The following MED13L variants were observed in gnomAD, a reference collection of about 807,000 sequenced individuals.
The protein encoded by MED13L is mediator complex subunit 13L, also known as mediator of RNA polymerase II transcription subunit 13-like.
A neutral mutation model predicts 220.9 loss-of-function variants in MED13L; 7 were observed. The ratio of observed to expected loss-of-function variants is 0.03; its 90% CI spans 0.02 to 0.06. The LOEUF is 0.06. Ranked by LOEUF, MED13L falls within the 10% of genes least tolerant of loss-of-function variation. The probability of loss-of-function intolerance (pLI) is 1.00; values close to 1 mark genes in which losing one functional copy is unlikely to be tolerated. For missense variants in MED13L, 1,965 were observed against 2,760.5 expected (o/e 0.71, Z 6.46); for synonymous variants, 1,011 against 1,015.2 (o/e 1.00, Z 0.08).
intron 9 of MED13L, among the ~76,000 whole-genome samples, chr12:116,011,827 A>G (rs756321668): frequency 6.6e-6 from 1 of 152,244 alleles, no homozygotes; most frequent in Non-Finnish European, 1.5e-5. Context: ...TAAAGAATCA[A>G]TTCAAGGGGC....
intron 2 of MED13L, among the ~76,000 whole-genome samples, chr12:116,229,232 T>C (rs1244763291): frequency 2.6e-5 from 4 of 152,184 alleles, no homozygotes; most frequent in African/African-American, 4.8e-5. Context: ...ATCATAAAAA[T>C]TACTCACATT....
chr12:116,229,420 C>T (rs1869328198), intron 2 of MED13L, among the ~76,000 whole-genome samples: 1 of 152,126 alleles, frequency 6.6e-6, no homozygotes, highest in Non-Finnish European at 1.5e-5. Context: ...TACTTACCAA[C>T]AAACTGAAAA....
chr12:116,095,362 C>T (rs1046567704), intron 4 of MED13L, among the ~76,000 whole-genome samples: 2 of 152,140 alleles, frequency 1.3e-5, no homozygotes, highest in African/African-American at 4.8e-5. Flanking sequence ...GAAAATGCTT[C>T]AAAGAAGTTT....
intron 2 of MED13L, among the ~76,000 whole-genome samples, chr12:116,136,718 CA>C (rs1876588296): frequency 6.6e-6 from 1 of 152,116 alleles, no homozygotes. Context: ...GTATTTTTAT[CA>C]GCTATAGTTT....
At chr12:116,012,728 G>T in intron 9 of MED13L, 69 bp downstream of exon 9, 2 of 1,086,746 alleles carry the variant, frequency 1.8e-6, no homozygotes, top group Non-Finnish European at 2.9e-6. Flanking sequence ...GATCTGTGAG[G>T]CCAGGAGATG....
At chr12:115,971,160 C>T (rs938377709) in intron 26 of MED13L, among the ~76,000 whole-genome samples, 1 of 152,168 alleles carries the variant, frequency 6.6e-6, no homozygotes. Context: ...CATGTTATAA[C>T]ACTTAATGAA....
intron 29 of MED13L, among the ~76,000 whole-genome samples, chr12:115,965,106 T>A (rs1420636816): frequency 6.6e-6 from 1 of 152,258 alleles, no homozygotes; most frequent in African/African-American, 2.4e-5. Flanking sequence ...GTTTTTGGTT[T>A]AATTTCCATC....
intron 1 of MED13L, among the ~76,000 whole-genome samples, chr12:116,249,169 C>T (rs1035792116): frequency 1.1e-4 from 16 of 152,208 alleles, no homozygotes; most frequent in Non-Finnish European, 1.9e-4. Flanking sequence ...AGCTGGGAGG[C>T]AGTCAAGTTC....
At chr12:115,963,549 C>G (rs1875919420) in intron 29 of MED13L, 30 bp from the exon 30 acceptor site, 37 of 1,515,762 alleles carry the variant, frequency 2.4e-5, no homozygotes, top group Non-Finnish European at 3.2e-5. Flanking sequence ...AGTTACCTCT[C>G]TGGTCTAGAC....
chr12:116,060,132 T>C (rs1483758704), intron 4 of MED13L, among the ~76,000 whole-genome samples: 1 of 152,016 alleles, frequency 6.6e-6, no homozygotes. Flanking sequence ...CCTGGAGGGA[T>C]CACAAAACAC....
intron 4 of MED13L, among the ~76,000 whole-genome samples, chr12:116,050,251 G>C (rs755530494): frequency 3.3e-5 from 5 of 152,106 alleles, no homozygotes; most frequent in Non-Finnish European, 5.9e-5. Context: ...TGGCAGATCA[G>C]GACAAGTATA....
intron 2 of MED13L, among the ~76,000 whole-genome samples, chr12:116,127,808 A>G (rs879619630): frequency 6.6e-6 from 1 of 152,196 alleles, no homozygotes; most frequent in African/African-American, 2.4e-5. Context: ...GTCACATCGT[A>G]GCATCCTGCC....
At chr12:116,185,781 C>A (rs1485432689) in intron 2 of MED13L, among the ~76,000 whole-genome samples, 1 of 152,086 alleles carries the variant, frequency 6.6e-6, no homozygotes, top group Non-Finnish European at 1.5e-5. Context: ...ACTGCAACTT[C>A]CGCCTCCCTT....
chr12:115,984,813 C>T (rs1877572994), intron 19 of MED13L, among the ~76,000 whole-genome samples: 1 of 151,722 alleles, frequency 6.6e-6, no homozygotes, highest in African/African-American at 2.4e-5. Context: ...CTGTTACAGA[C>T]ATTTGGAGAT....
chr12:116,191,182 AT>A (rs1881259647), intron 2 of MED13L, among the ~76,000 whole-genome samples: 3 of 152,112 alleles, frequency 2.0e-5, no homozygotes, highest in Admixed American at 6.5e-5. Context: ...AGTATTTGGA[AT>A]GTAACAGTAA....
chr12:116,046,275 C>A (rs893263188), intron 4 of MED13L, among the ~76,000 whole-genome samples: 5 of 151,694 alleles, frequency 3.3e-5, no homozygotes, highest in African/African-American at 1.2e-4. Context: ...AACAAAAACA[C>A]AAAGATGTTT....
At chr12:115,980,363 C>G in intron 23 of MED13L, 1 of 208,072 alleles carries the variant, frequency 4.8e-6, no homozygotes, top group Non-Finnish European at 9.9e-6. Flanking sequence ...CAGGGTCTTG[C>G]TCTCCAGGCG....
At chr12:116,117,787 A>G (rs1047929130) in intron 2 of MED13L, among the ~76,000 whole-genome samples, 5 of 152,146 alleles carry the variant, frequency 3.3e-5, no homozygotes, top group Admixed American at 1.3e-4. Context: ...TGCAAATGTA[A>G]CAAAATATAA....
intron 1 of MED13L, among the ~76,000 whole-genome samples, chr12:116,243,347 T>C (rs910710292): frequency 1.6e-4 from 24 of 152,200 alleles, no homozygotes; most frequent in African/African-American, 4.8e-4. Context: ...CAGTAGGATA[T>C]AAATAACTCC....
Sources: allele counts gnomAD v4.1 joint callset (sites outside exome capture counted in the v4.1 genomes callset), GRCh38; gene constraint gnomAD v4.1.1; transcripts MANE v1.5; gene names NCBI Gene and HGNC (gene_info 2026-07-23, HGNC 2026-07-21).